The following MORC3 variants were observed in gnomAD, a reference collection of about 807,000 sequenced individuals.
MORC3 encodes the protein MORC family CW-type zinc finger 3.
In MORC3, 31 loss-of-function variants were observed where a neutral mutation model predicts 109.1. The ratio of observed to expected loss-of-function variants is 0.28; its 90% confidence interval spans 0.21 to 0.38. MORC3 has a LOEUF of 0.38. MORC3 is among the 10% of genes least tolerant of loss of function. MORC3 has a pLI of 1.00. For synonymous variants in MORC3, 395 were observed against 380.7 expected, an observed-to-expected ratio of 1.04 and a Z score of -0.44; for missense variants, 867 against 1,135.8, an observed-to-expected ratio of 0.76 and a Z score of 3.40.
chr21:36,322,692 C>T (rs1311217885), intron 1 of MORC3, among the ~76,000 whole-genome samples: 1 of 152,196 alleles, frequency 6.6e-6, no homozygotes, highest in Admixed American at 6.6e-5. Flanking sequence ...ACATTTTAAA[C>T]AGTCATTTAG....
At chr21:36,336,242 G>GT (rs2085374649) in intron 2 of MORC3, among the ~76,000 whole-genome samples, 1 of 144,924 alleles carries the variant, frequency 6.9e-6, no homozygotes, top group Admixed American at 7.0e-5. Flanking sequence ...TTTTGTTTTT[G>GT]TTTTTGTTTT....
intron 16 of MORC3, among the ~76,000 whole-genome samples, chr21:36,374,239 G>A (rs1248208603): frequency 2.0e-5 from 3 of 151,924 alleles, no homozygotes; most frequent in Non-Finnish European, 2.9e-5. Context: ...ATAGGTGTGC[G>A]CCACCACGCC....
Position 36,348,030 on chromosome 21 carries a change from T to A in MORC3, c.1006-1281T>A, listed in dbSNP as rs2085530215. ...TTAGTTGTATGGTTTGGTCTATAGT[T>A]GGGTTTATAAAAATTTTCATTTTAT... On this transcript the variant is annotated intron_variant, in intron 8 of 16. Coordinates refer to ENST00000400485, the MANE Select transcript of MORC3 (RefSeq NM_015358.3). 7 of 152,212 alleles carry A rather than the reference T, an allele frequency of 4.6e-5. No individual in the cohort carries two copies. The South Asian group carries it at 1.4e-3, about 32-fold the overall frequency. 9.4% of individuals were successfully genotyped at this position (152,212 alleles called of 1,614,324 possible).
intron 9 of MORC3, among the ~76,000 whole-genome samples, chr21:36,353,531 A>G (rs971791953): frequency 4.0e-5 from 6 of 151,710 alleles, no homozygotes; most frequent in Non-Finnish European, 8.8e-5. Context: ...ACTTGAGATT[A>G]GGAGTTCGAG....
intron 3 of MORC3, among the ~76,000 whole-genome samples, chr21:36,337,337 T>C (rs1601516760): frequency 1.3e-5 from 2 of 152,300 alleles, no homozygotes; most frequent in African/African-American, 4.8e-5. Flanking sequence ...GAGTAACTTT[T>C]AGAGGAAGAG....
chr21:36,363,265 A>T (rs531544063), intron 13 of MORC3, among the ~76,000 whole-genome samples: 4 of 152,104 alleles, frequency 2.6e-5, no homozygotes, highest in African/African-American at 9.7e-5. Context: ...CTAAAAATAT[A>T]AAAAATAATG....
intron 1 of MORC3, among the ~76,000 whole-genome samples, chr21:36,330,695 G>A (rs2085305177): frequency 6.6e-6 from 1 of 152,152 alleles, no homozygotes; most frequent in African/African-American, 2.4e-5. Context: ...TACACCCCAA[G>A]GCCATGTCCC....
chr21:36,345,685 T>C lies in MORC3; in HGVS notation c.1005+654T>C, dbSNP rs192997727. ...TCTGCCTGCCTCAGCCTCCCAAAGT[T>C]CTGGGATTACAAGCGTGTGCCACCG... is the stretch of plus-strand genomic sequence containing the variant. On this transcript the variant is annotated intron_variant, in intron 8 of 16. Coordinates refer to ENST00000400485, the MANE Select transcript of MORC3 (RefSeq NM_015358.3). Among the ~76,000 whole-genome samples the C allele has an allele frequency of 3.3e-4, 50 of 152,196 alleles. No individual in the cohort carries two copies. In the East Asian group the frequency reaches 7.9e-3, roughly 24 times the overall value.
At chr21:36,333,544 T>G in intron 1 of MORC3, 102 bp from the exon 2 acceptor site, 1 of 889,458 alleles carries the variant, frequency 1.1e-6, no homozygotes, top group Non-Finnish European at 1.8e-6. Flanking sequence ...TAAGTCACTT[T>G]TGTTTGGTCT....
At chr21:36,342,726 T>G (rs769168684) in intron 6 of MORC3, among the ~76,000 whole-genome samples, 9 of 151,756 alleles carry the variant, frequency 5.9e-5, no homozygotes, top group African/African-American at 2.2e-4. Flanking sequence ...TGTTTAAGAT[T>G]AAAAGAAATG....
At chr21:36,339,510 A>AG (rs2085415242) in intron 5 of MORC3, 1 of 147,114 alleles carries the variant, frequency 6.8e-6, no homozygotes, top group South Asian at 2.4e-4. Context: ...TCAAAAAAAA[A>AG]AAAAAAAAAA....
intron 12 of MORC3, among the ~76,000 whole-genome samples, chr21:36,361,331 G>A (rs1014139784): frequency 2.0e-5 from 3 of 151,146 alleles, no homozygotes; most frequent in African/African-American, 7.3e-5. Context: ...ATCACTTGAG[G>A]TCAGGAGTTT....
In MORC3 at chr21:36,344,944, C is replaced by T; in HGVS notation, c.918C>T (p.Asn306=). 1 of 1,611,738 alleles carries T rather than the reference C, an allele frequency of 6.2e-7. No individual in the cohort carries two copies. The change falls in exon 8 of 17, where the codon AAC becomes AAT. Residue 306 remains asparagine (N), a synonymous_variant. Coordinates refer to ENST00000400485, the MANE Select transcript of MORC3 (RefSeq NM_015358.3). Reference sequence around the variant, plus strand: ...CAGTGAGAATTACCTTTGGATTCAACTGCAGAAATAAAGATCATTATGGGA... The same window carrying T: ...CAGTGAGAATTACCTTTGGATTCAATTGCAGAAATAAAGATCATTATGGGA... ...SKTVRITFGF[N]CRNKDHYGIM...
chr21:36,320,866 T>A (rs1421350195), intron 1 of MORC3, among the ~76,000 whole-genome samples: 1 of 152,216 alleles, frequency 6.6e-6, no homozygotes, highest in African/African-American at 2.4e-5. Flanking sequence ...CGAGCTCTCC[T>A]CTTTATCCCG....
chr21:36,338,833 C>G lies in MORC3; in HGVS notation c.520C>G (p.Leu174Val), dbSNP rs373463099. 8 of 1,614,012 alleles carry G rather than the reference C, an allele frequency of 5.0e-6. No individual in the cohort carries two copies. The highest frequency in any genetic ancestry group is 6.8e-6 in the Non-Finnish European group (8 of 1,179,922). The change falls in exon 5 of 17, where the codon CTG becomes GTG. Residue 174 changes from leucine (L) to valine (V), a missense_variant. Coordinates refer to ENST00000400485, the MANE Select transcript of MORC3 (RefSeq NM_015358.3). The part of the protein sequence containing the change: ...ASLAAILEHS[L>V]FSTEQKLLAE... ...CCTTGCTGCAATTCTGGAACATTCT[C>G]TGTTTTCCACGGAACAGAAGTTACT...
At chr21:36,369,911 C>A in intron 15 of MORC3, 35 bp downstream of exon 15, 1 of 1,588,986 alleles carries the variant, frequency 6.3e-7, no homozygotes. Context: ...GTCATGGAGT[C>A]CAGGGCCATT....
chr21:36,326,921 T>C (rs147462557), intron 1 of MORC3, among the ~76,000 whole-genome samples: 3,980 of 151,654 alleles, frequency 0.026, 165 homozygotes, highest in African/African-American at 0.088. Context: ...GTTTAAGCGA[T>C]TCTTGTGCCT....
In MORC3 at chr21:36,372,445, G is replaced by T. The variant is rs765086178; in HGVS notation, c.2580G>T (p.Gln860His). Residue 860 changes from glutamine (Q) to histidine (H), a missense_variant, in exon 16 of 17, where the codon CAG becomes CAT. By Grantham distance (24) the Gln-to-His change is conservative. This residue lies in a region of MORC3 where 486 missense variants were observed against 502.1 expected (regional missense o/e 0.97). Coordinates refer to ENST00000400485, the MANE Select transcript of MORC3 (RefSeq NM_015358.3). ...AAGAACTCAAAACTGAAGTAGAACA[G>T]TTAAAATCTACAAATCAACAGACGG... ...QCEELKTEVE[Q>H]LKSTNQQTAT... 1.2e-6 allele frequency: 2 copies of T among 1,608,032 alleles called. No individual in the cohort carries two copies. Among genetic ancestry groups the T allele is most frequent in the African/African-American group, 2.7e-5 (2 of 74,680 alleles).
intron 8 of MORC3, 36 bp from the exon 9 acceptor site, chr21:36,349,273 CTT>C (rs1245463588): frequency 7.2e-7 from 1 of 1,381,034 alleles, no homozygotes; most frequent in African/African-American, 1.4e-5. Context: ...AGCATCATGT[CTT>C]ATGCTTAAAA....
Sources: gnomAD v4.1 joint callset for allele counts (sites outside exome capture counted in the v4.1 genomes callset) on GRCh38, gnomAD v4.1.1 for gene constraint, gnomAD v4.1.1 regional missense constraint, MANE v1.5 for transcripts, NCBI Gene and HGNC (gene_info 2026-07-23, HGNC 2026-07-21) for gene names.